Variants in ETNK1 observed in about 807,000 individuals in gnomAD.
ETNK1 encodes the protein putative protein product of Nbla10396.
In ETNK1, 8 loss-of-function variants were observed where a neutral mutation model predicts 45.1. That is an observed-to-expected ratio of 0.18 (90% CI 0.10 to 0.32). The LOEUF is 0.32. Ranked by LOEUF, ETNK1 falls within the 10% of genes least tolerant of loss-of-function variation. The probability of loss-of-function intolerance (pLI) is 1.00; values close to 1 mark genes in which losing one functional copy is unlikely to be tolerated. For synonymous variants in ETNK1, 152 were observed against 151.9 expected (o/e 1.00, Z -0.01); for missense variants, 302 against 430.6 (o/e 0.70, Z 2.64).
intron 4 of ETNK1, among the ~76,000 whole-genome samples, chr12:22,663,750 A>T (rs552083020): frequency 1.3e-5 from 2 of 152,036 alleles, no homozygotes; most frequent in Admixed American, 1.3e-4. Context: ...ATTTTGATAC[A>T]TTTTTTAGAA....
intron 6 of ETNK1, among the ~76,000 whole-genome samples, chr12:22,675,718 C>G (rs989630317): frequency 1.4e-4 from 21 of 152,076 alleles, no homozygotes; most frequent in African/African-American, 4.8e-4. Context: ...CTTACTTACT[C>G]TGATTCAAAA....
intron 6 of ETNK1, among the ~76,000 whole-genome samples, chr12:22,684,236 G>A (rs1299601921): frequency 1.3e-5 from 2 of 152,022 alleles, no homozygotes; most frequent in African/African-American, 4.8e-5. Context: ...CACATCACAG[G>A]AACTGGCCTC....
intron 6 of ETNK1, among the ~76,000 whole-genome samples, chr12:22,677,727 C>T (rs1954175282): frequency 6.6e-6 from 1 of 152,162 alleles, no homozygotes; most frequent in African/African-American, 2.4e-5. Context: ...TCTTTCACAT[C>T]CCTTGTACGT....
At chr12:22,661,004 C>G in intron 3 of ETNK1, 59 bp from the exon 4 acceptor site, 1 of 1,456,176 alleles carries the variant, frequency 6.9e-7, no homozygotes, top group Non-Finnish European at 9.4e-7. Flanking sequence ...GATTTTAATC[C>G]TTAATCAAAC....
chr12:22,676,165 CT>C (rs1482338138), intron 6 of ETNK1, among the ~76,000 whole-genome samples: 3 of 152,148 alleles, frequency 2.0e-5, no homozygotes, highest in Non-Finnish European at 2.9e-5. Context: ...CCCTAGCCCC[CT>C]ACCCACTGAC....
intron 6 of ETNK1, 119 bp downstream of exon 6, chr12:22,673,779 T>G: frequency 1.0e-6 from 1 of 1,002,818 alleles, no homozygotes; most frequent in Non-Finnish European, 1.4e-6. Context: ...TTCAAAATAA[T>G]GTAAATACAT....
intron 1 of ETNK1, among the ~76,000 whole-genome samples, chr12:22,635,822 C>T (rs1042001930): frequency 6.6e-6 from 1 of 152,070 alleles, no homozygotes; most frequent in Non-Finnish European, 1.5e-5. Context: ...TGATTTTCAT[C>T]CTTTGATATT....
At chr12:22,661,262 C>A in intron 4 of ETNK1, 57 bp downstream of exon 4, 1 of 1,420,088 alleles carries the variant, frequency 7.0e-7, no homozygotes. Flanking sequence ...TCTTAATGGT[C>A]ATTTTATCTC....
In ETNK1 at chr12:22,671,583, A is replaced by G. The variant is rs1182598685; in HGVS notation, c.784+228A>G. 2.0e-5 allele frequency among the ~76,000 whole-genome samples: 3 copies of G among 152,236 alleles called. No individual in the cohort carries two copies. The East Asian group carries it at 5.8e-4, about 29-fold the overall frequency. On this transcript the variant is annotated intron_variant, in intron 5 of 7. Transcript: ENST00000266517. ...GCCGGGCGCGGTGGCTCACGCCTGT[A>G]ATCCCAGCACTTTGGGAGGCCGAGG... is the stretch of plus-strand genomic sequence containing the variant.
intron 1 of ETNK1, among the ~76,000 whole-genome samples, chr12:22,626,851 A>G (rs944777375): frequency 1.3e-5 from 2 of 152,188 alleles, no homozygotes; most frequent in Non-Finnish European, 2.9e-5. Context: ...TAAAAAATAT[A>G]TTTCCTTTAA....
intron 6 of ETNK1, 30 bp from the exon 7 acceptor site, chr12:22,684,453 A>T (rs776002840): frequency 6.6e-7 from 1 of 1,520,980 alleles, no homozygotes; most frequent in Admixed American, 1.7e-5. Context: ...TCATTATCAT[A>T]ATTTTTGATT....
chr12:22,678,046 ATCT>A (rs1157986675), intron 6 of ETNK1, among the ~76,000 whole-genome samples: 1 of 151,852 alleles, frequency 6.6e-6, no homozygotes, highest in East Asian at 1.9e-4. Flanking sequence ...CTCTGTTGCT[ATCT>A]TCTTTTGACA....
At chr12:22,673,775 A>T (rs1029176910) in intron 6 of ETNK1, 115 bp downstream of exon 6, 1 of 1,029,434 alleles carries the variant, frequency 9.7e-7, no homozygotes. Context: ...TTTGTTCAAA[A>T]TAATGTAAAT....
chr12:22,644,413 C>A, intron 2 of ETNK1: 2 of 1,221,506 alleles, frequency 1.6e-6, no homozygotes, highest in African/African-American at 1.6e-5. Flanking sequence ...ATTTGGTTAA[C>A]AATTCTTTGT....
intron 1 of ETNK1, chr12:22,626,197 C>A (rs894632632): frequency 5.1e-6 from 1 of 197,846 alleles, no homozygotes; most frequent in Non-Finnish European, 1.1e-5. Flanking sequence ...AAATTAATAC[C>A]TGATACTAGA....
intron 1 of ETNK1, among the ~76,000 whole-genome samples, chr12:22,639,619 G>C (rs1466482609): frequency 6.6e-6 from 1 of 151,968 alleles, no homozygotes; most frequent in Non-Finnish European, 1.5e-5. Context: ...GGAGGTTGCA[G>C]TGAGCCGAGA....
chr12:22,662,935 G>A (rs1033021051), intron 4 of ETNK1, among the ~76,000 whole-genome samples: 1 of 152,144 alleles, frequency 6.6e-6, no homozygotes, highest in African/African-American at 2.4e-5. Flanking sequence ...AGAGTGGTAG[G>A]CTTAAGCACA....
At chr12:22,656,897 T>C (rs1246574692) in intron 2 of ETNK1, 1 of 752,336 alleles carries the variant, frequency 1.3e-6, no homozygotes, top group Non-Finnish European at 1.6e-6. Context: ...TTGACATAGA[T>C]TGCCCCTTGT....
intron 6 of ETNK1, among the ~76,000 whole-genome samples, chr12:22,680,172 T>A (rs543017053): frequency 6.6e-6 from 1 of 152,324 alleles, no homozygotes; most frequent in East Asian, 1.9e-4. Flanking sequence ...CCAAGTTCTG[T>A]TCTTGGTTCC....
Sources: allele counts gnomAD v4.1 joint callset (sites outside exome capture counted in the v4.1 genomes callset), GRCh38; gene constraint gnomAD v4.1.1; transcripts MANE v1.5; gene names NCBI Gene and HGNC (gene_info 2026-07-23, HGNC 2026-07-21).